CGB8: variants seen among roughly 807,000 people sequenced by gnomAD.
The protein encoded by CGB8 is chorionic gonadotropin, beta polypeptide 8.
CGB8 carries 2 observed loss-of-function variants against 7.6 expected under a neutral mutation model. The ratio of observed to expected loss-of-function variants is 0.26; its 90% CI spans 0.11 to 0.83. CGB8 has a LOEUF of 0.83. Ranked by LOEUF, CGB8 falls within the 40% of genes least tolerant of loss-of-function variation. The probability of loss-of-function intolerance (pLI) is 0.65; values close to 1 mark genes in which losing one functional copy is unlikely to be tolerated. For synonymous variants in CGB8, 8 were observed against 91.5 expected (o/e 0.09, Z 5.21); for missense variants, 16 against 208.2 (o/e 0.08, Z 5.68).
chr19:49,049,093 A>T lies in CGB8; in HGVS notation c.-354T>A. ...AGCCAGGAGGAGGCCGTGACCCGAG[A>T]AAGGTGCTGGACTGAAGCCTCAACC... is the stretch of plus-strand genomic sequence containing the variant. On this transcript the variant is annotated 5_prime_UTR_variant, in exon 1 of 3. Transcript: ENST00000448456. 8.7e-7 allele frequency: 1 copy of T among 1,150,780 alleles called. No homozygotes were observed. The highest frequency in any genetic ancestry group is 1.1e-6 in the Non-Finnish European group (1 of 921,596). 71.3% of individuals were successfully genotyped at this position (1,150,780 alleles called of 1,614,324 possible).
Position 49,048,771 on chromosome 19 carries a change from C to A in CGB8, c.-32G>T, listed in dbSNP as rs763810383. ...TGTGTCCCCTGCCTCGTGTACCTGG[C>A]TTTAAACCTCGGGGTTGTGGGGGCG... On this transcript the variant is annotated 5_prime_UTR_variant, in exon 1 of 3. Coordinates refer to ENST00000448456, the MANE Select transcript of CGB8 (RefSeq NM_033183.3). The A allele has an allele frequency of 1.9e-6, 3 of 1,613,004 alleles. No homozygotes were observed. The highest frequency in any genetic ancestry group is 2.5e-6 in the Non-Finnish European group (3 of 1,179,844).
At position 49,048,105 on chromosome 19, in the gene CGB8, G is replaced by A. The variant is rs999371504; in HGVS notation, c.183+100C>T. On this transcript the variant is annotated intron_variant, in intron 2 of 2. Transcript: ENST00000448456. ...TTCCTGCCCTCCCACACCCCATTCC[G>A]CAGCCCCTGACCAGAGAGGCAGACC... 11 of 1,224,982 alleles carry A rather than the reference G, an allele frequency of 9.0e-6. No homozygotes were observed. In the East Asian group the frequency reaches 1.3e-4, roughly 14 times the overall value. 75.9% of individuals were successfully genotyped at this position (1,224,982 alleles called of 1,614,324 possible). A position where few individuals can be genotyped will look rare whatever the true frequency, so the allele number is the denominator to read the frequency against.
At chr19:49,048,595 C>A in intron 1 of CGB8, 130 bp downstream of exon 1, 1 of 1,600,864 alleles carries the variant, frequency 6.2e-7, no homozygotes, top group South Asian at 1.1e-5. Flanking sequence ...AATGCCCCAC[C>A]TGAAGCTTAC....
chr19:49,049,062 C>T lies in CGB8; in HGVS notation c.-323G>A, dbSNP rs914824403. 6.1e-5 allele frequency: 75 copies of T among 1,237,042 alleles called. 1 individual carries two copies. Among genetic ancestry groups the T allele is most frequent in the Middle Eastern group, 3.2e-4 (1 of 3,128 alleles). 76.6% of individuals were successfully genotyped at this position (1,237,042 alleles called of 1,614,324 possible). On this transcript the variant is annotated 5_prime_UTR_variant, in exon 1 of 3. Transcript: ENST00000448456. The stretch of plus-strand genomic sequence containing the variant: ...GGCCTGCCTCTGCCTATGGTGGGGT[C>T]CTGGGAGCCAGGAGGAGGCCGTGAC...
intron 1 of CGB8, 103 bp downstream of exon 1, chr19:49,048,622 C>T (rs1450575886): frequency 1.2e-6 from 2 of 1,608,112 alleles, no homozygotes; most frequent in Non-Finnish European, 1.7e-6. Context: ...TCACGCTCCT[C>T]CAGAAAGAGG....
At chr19:49,048,638 T>A in intron 1 of CGB8, 87 bp downstream of exon 1, 1 of 1,610,088 alleles carries the variant, frequency 6.2e-7, no homozygotes, top group Non-Finnish European at 8.5e-7. Flanking sequence ...AGAGGCCTCC[T>A]TCCACAGCTC....
chr19:49,048,866 G>C lies in CGB8; in HGVS notation c.-127C>G. On this transcript the variant is annotated 5_prime_UTR_variant, in exon 1 of 3. Transcript: ENST00000448456. ...CTAACCCTTCGGGGGGCAAGAGGTAGACAAGGCCAGGGGGGCGCAGGAGTG... is the reference window on the plus strand; with the variant it reads ...CTAACCCTTCGGGGGGCAAGAGGTACACAAGGCCAGGGGGGCGCAGGAGTG... The C allele has an allele frequency of 1.3e-6, 2 of 1,553,738 alleles. No homozygotes were observed. The highest frequency in any genetic ancestry group is 1.8e-6 in the Non-Finnish European group (2 of 1,132,700).
rs2387591 is a variant in CGB8, at chr19:49,048,586, A to C, written c.15+139T>G. 2,103 of 1,596,764 alleles carry C rather than the reference A, an allele frequency of 1.3e-3. 25 individuals are homozygous for C. The African/African-American group carries it at 0.024, about 18-fold the overall frequency. The stretch of plus-strand genomic sequence containing the variant: ...CATTTCAGATCCCCACCTTCAGGAA[A>C]TGCCCCACCTGAAGCTTACTGGGGG... On this transcript the variant is annotated intron_variant, in intron 1 of 2. Transcript: ENST00000448456.
At chr19:49,048,668 C>A in intron 1 of CGB8, 57 bp downstream of exon 1, 1 of 1,612,362 alleles carries the variant, frequency 6.2e-7, no homozygotes. Context: ...TGCCCCTTCT[C>A]ATGCCAGTGA....
chr19:49,048,699 G>A (rs1363347906), intron 1 of CGB8, 26 bp downstream of exon 1: 11 of 1,612,706 alleles, frequency 6.8e-6, no homozygotes, highest in South Asian at 3.3e-5. Flanking sequence ...GGAGGTGGAA[G>A]GTGCCCAGGG....
chr19:49,049,003 C>T lies in CGB8; in HGVS notation c.-264G>A, dbSNP rs964462686. On this transcript the variant is annotated 5_prime_UTR_variant, in exon 1 of 3. Transcript: ENST00000448456. ...CAGTCGTCGAGTGCTAGGGACTAGT[C>T]GAGCCTGGAGGCACAGGGAGTAGGG... 36 of 1,377,772 alleles carry T rather than the reference C, an allele frequency of 2.6e-5. No homozygotes were observed. The highest frequency in any genetic ancestry group is 2.9e-5 in the Admixed American group (1 of 34,086). The allele number at this position is 1,377,772 out of a possible 1,614,324, so 85.3% of individuals were successfully genotyped here.
intron 1 of CGB8, 126 bp downstream of exon 1, chr19:49,048,599 A>T (rs1202127637): frequency 2.2e-5 from 36 of 1,605,184 alleles, no homozygotes; most frequent in Middle Eastern, 2.2e-4. Context: ...CCCCACCTGA[A>T]GCTTACTGGG....
At chr19:49,048,579 T>A (rs531939365) in intron 1 of CGB8, 146 bp downstream of exon 1, 1 of 1,603,634 alleles carries the variant, frequency 6.2e-7, no homozygotes, top group East Asian at 2.2e-5. Flanking sequence ...ATCCCCACCT[T>A]CAGGAAATGC....
chr19:49,048,683 C>G, intron 1 of CGB8, 42 bp downstream of exon 1: 2 of 1,612,624 alleles, frequency 1.2e-6, no homozygotes, highest in Non-Finnish European at 1.7e-6. Context: ...CAGTGATTGC[C>G]TGGAAGGAGG....
rs927385106 is a variant in CGB8 at position 49,049,111 on chromosome 19, C to G, written c.-372G>C. 29 of 1,125,566 alleles carry G rather than the reference C, an allele frequency of 2.6e-5. 2 individuals carry two copies. In the African/African-American group the frequency reaches 4.5e-4, roughly 18 times the overall value. The allele number at this position is 1,125,566 out of a possible 1,614,324, so 69.7% of individuals were successfully genotyped here. A position where few individuals can be genotyped will look rare whatever the true frequency, so the allele number is the denominator to read the frequency against. ...ACCCGAGAAAGGTGCTGGACTGAAG[C>G]CTCAACCCTCCTCTACTTGAGGCTT... On this transcript the variant is annotated 5_prime_UTR_variant, in exon 1 of 3. Coordinates refer to ENST00000448456, the MANE Select transcript of CGB8 (RefSeq NM_033183.3).
At chr19:49,048,510 A>C in intron 1 of CGB8, 138 bp from the exon 2 acceptor site, 1 of 1,546,278 alleles carries the variant, frequency 6.5e-7, no homozygotes, top group Non-Finnish European at 8.7e-7. Flanking sequence ...CCACCCGGAC[A>C]CCTGCCTTTC....
Position 49,049,097 on chromosome 19 carries a change from G to C in CGB8, c.-358C>G. ...AGGAGGAGGCCGTGACCCGAGAAAG[G>C]TGCTGGACTGAAGCCTCAACCCTCC... On this transcript the variant is annotated 5_prime_UTR_variant, in exon 1 of 3. Transcript: ENST00000448456. The C allele has an allele frequency of 1.7e-6, 2 of 1,172,190 alleles. No homozygotes were observed. The highest frequency in any genetic ancestry group is 2.1e-6 in the Non-Finnish European group (2 of 938,964). The allele number at this position is 1,172,190 out of a possible 1,614,324, so 72.6% of individuals were successfully genotyped here.
chr19:49,048,744 G>A lies in CGB8; in HGVS notation c.-5C>T, dbSNP rs369852403. On this transcript the variant is annotated 5_prime_UTR_variant, in exon 1 of 3. Coordinates refer to ENST00000448456, the MANE Select transcript of CGB8 (RefSeq NM_033183.3). ...TCTTACCTGGAACATCTCCATCCTT[G>A]GTGTGTCCCCTGCCTCGTGTACCTG... The A allele has an allele frequency of 1.1e-4, 184 of 1,613,212 alleles. 8 individuals carry two copies. The African/African-American group carries it at 2.3e-3, about 20-fold the overall frequency.
At chr19:49,048,602 T>C (rs1457122246) in intron 1 of CGB8, 123 bp downstream of exon 1, 1 of 1,605,632 alleles carries the variant, frequency 6.2e-7, no homozygotes. Flanking sequence ...CACCTGAAGC[T>C]TACTGGGGGT....
Sources: allele counts gnomAD v4.1 joint callset, GRCh38; gene constraint gnomAD v4.1.1; transcripts MANE v1.5; gene names NCBI Gene and HGNC (gene_info 2026-07-23, HGNC 2026-07-21).